Variants in DUS2 observed in about 807,000 individuals in gnomAD.
DUS2 encodes tRNA-dihydrouridine(20) synthase [NAD(P)+]-like.
A neutral mutation model predicts 71.3 loss-of-function variants in DUS2; 52 were observed. That is an observed-to-expected ratio of 0.73 (90% confidence interval 0.58 to 0.92). The LOEUF is 0.92. Ranked by LOEUF, DUS2 falls within the 40% of genes least tolerant of loss-of-function variation. DUS2 has a pLI of 0.00. For missense variants in DUS2, 558 were observed against 622.6 expected (o/e 0.90, Z 1.10); for synonymous variants, 204 against 227.8 (o/e 0.90, Z 0.94).
chr16:68,070,315 G>A lies in DUS2; in HGVS notation c.641+95G>A. On this transcript the variant is annotated intron_variant, in intron 11 of 16. Transcript: ENST00000565263. Reference sequence around the variant, plus strand: ...GCCTTCCCTAGAGTGAAAAGTTTTAGGGGTGGCTTGAAAAGGGCAGGGCTT... The same window carrying A: ...GCCTTCCCTAGAGTGAAAAGTTTTAAGGGTGGCTTGAAAAGGGCAGGGCTT... The A allele has an allele frequency of 3.2e-6, 4 of 1,241,148 alleles. No individual in the cohort carries two copies. The Admixed American group carries it at 7.0e-5, about 22-fold the overall frequency. 76.9% of individuals were successfully genotyped at this position (1,241,148 alleles called of 1,614,324 possible). A position where few individuals can be genotyped will look rare whatever the true frequency, so the allele number is the denominator to read the frequency against.
chr16:68,059,517 G>T (rs968033787), intron 7 of DUS2, among the ~76,000 whole-genome samples: 1 of 152,124 alleles, frequency 6.6e-6, no homozygotes, highest in South Asian at 2.1e-4. Flanking sequence ...GGCCTTCAAG[G>T]TTTCTTTTAT....
At chr16:68,024,437 C>G (rs959325723) in intron 1 of DUS2, among the ~76,000 whole-genome samples, 1 of 152,064 alleles carries the variant, frequency 6.6e-6, no homozygotes, top group Admixed American at 6.6e-5. Flanking sequence ...GGTGTCAGAT[C>G]TTTTCTGTAA....
intron 3 of DUS2, among the ~76,000 whole-genome samples, chr16:68,047,277 A>G (rs1340047923): frequency 6.7e-6 from 1 of 149,554 alleles, no homozygotes; most frequent in African/African-American, 2.5e-5. Flanking sequence ...GCTGGCCTTG[A>G]ACTCCTGACC....
At chr16:68,031,894 C>G (rs755166962) in intron 2 of DUS2, among the ~76,000 whole-genome samples, 1 of 151,970 alleles carries the variant, frequency 6.6e-6, no homozygotes, top group Admixed American at 6.6e-5. Flanking sequence ...AGGGTTTCAT[C>G]ATGTTGGCCA....
chr16:68,067,097 CTCCT>C (rs2034018166), intron 10 of DUS2, among the ~76,000 whole-genome samples: 1 of 89,336 alleles, frequency 1.1e-5, no homozygotes, highest in Non-Finnish European at 2.3e-5. Flanking sequence ...CCTTCCTTCC[CTCCT>C]TCCTTCCTTC....
At chr16:68,073,261 T>C (rs2034112031) in intron 12 of DUS2, among the ~76,000 whole-genome samples, 2 of 152,122 alleles carry the variant, frequency 1.3e-5, no homozygotes, top group Admixed American at 1.3e-4. Flanking sequence ...AAGTGGCTTT[T>C]TAATTTATTT....
intron 1 of DUS2, chr16:68,024,042 A>T: frequency 6.2e-6 from 1 of 160,724 alleles, no homozygotes. Flanking sequence ...CAGGCAGAAT[A>T]TTTTACCTGA....
At chr16:68,034,850 G>T (rs1003788226) in intron 2 of DUS2, among the ~76,000 whole-genome samples, 1 of 152,084 alleles carries the variant, frequency 6.6e-6, no homozygotes, top group Admixed American at 6.6e-5. Flanking sequence ...ACAAAAATTA[G>T]CTGGGCATGG....
intron 13 of DUS2, among the ~76,000 whole-genome samples, chr16:68,075,075 T>C (rs1177817805): frequency 6.6e-6 from 1 of 152,194 alleles, no homozygotes. Flanking sequence ...GTGCTTCCCC[T>C]CAGGAGAGAG....
intron 3 of DUS2, among the ~76,000 whole-genome samples, chr16:68,049,021 G>A (rs1341003353): frequency 1.3e-5 from 2 of 152,158 alleles, no homozygotes; most frequent in Non-Finnish European, 2.9e-5. Context: ...ACCCATGTGG[G>A]ATAGGGGTTT....
chr16:68,039,421 A>G (rs1485850952), intron 3 of DUS2, among the ~76,000 whole-genome samples: 2 of 146,626 alleles, frequency 1.4e-5, no homozygotes, highest in Admixed American at 1.4e-4. Flanking sequence ...CCCTGTTTCT[A>G]TTTTTTTTTT....
chr16:68,066,203 A>G, intron 8 of DUS2, 114 bp from the exon 9 acceptor site: 1 of 936,172 alleles, frequency 1.1e-6, no homozygotes, highest in Non-Finnish European at 1.8e-6. Context: ...ATTCACACAT[A>G]TGCAAACTGT....
intron 15 of DUS2, 109 bp downstream of exon 15, chr16:68,076,828 T>A: frequency 2.4e-6 from 2 of 849,518 alleles, no homozygotes; most frequent in Non-Finnish European, 3.6e-6. Flanking sequence ...TCTGTAGGCA[T>A]GGAGAAGCTG....
intron 3 of DUS2, among the ~76,000 whole-genome samples, chr16:68,046,086 A>T (rs1272823013): frequency 1.3e-5 from 2 of 152,048 alleles, no homozygotes; most frequent in Non-Finnish European, 2.9e-5. Context: ...ATATATGCGG[A>T]TTTGTTACAA....
rs772974609 is a variant in DUS2, at chr16:68,070,948, C to G, written c.650C>G (p.Ser217Cys). The change falls in exon 12 of 17, where the codon TCT (serine) becomes TGT (cysteine). Residue 217 changes from serine to cysteine, a missense_variant. Coordinates refer to ENST00000565263, the MANE Select transcript of DUS2 (RefSeq NM_017803.5). The stretch of plus-strand genomic sequence containing the variant: ...CTCTGGTTGCTTTTTAGCGGAGGAT[C>G]TCATGACCACATCCAACAGTATTCG... ...LSIPVIANGG[S>C]HDHIQQYSDI... The G allele has an allele frequency of 9.9e-6, 16 of 1,614,064 alleles. No homozygotes were observed. The Admixed American group carries it at 2.7e-4, about 27-fold the overall frequency.
chr16:68,051,985 G>T (rs2033784753), intron 4 of DUS2, among the ~76,000 whole-genome samples: 1 of 151,864 alleles, frequency 6.6e-6, no homozygotes, highest in African/African-American at 2.4e-5. Flanking sequence ...TGCAACCTCC[G>T]CCTTCCCGGC....
At chr16:68,060,752 G>A (rs2033927342) in intron 7 of DUS2, among the ~76,000 whole-genome samples, 1 of 152,046 alleles carries the variant, frequency 6.6e-6, no homozygotes, top group Non-Finnish European at 1.5e-5. Flanking sequence ...GGATGCAGAG[G>A]AAGGAGAATC....
intron 3 of DUS2, 25 bp downstream of exon 3, chr16:68,038,174 G>T: frequency 6.2e-7 from 1 of 1,611,972 alleles, no homozygotes; most frequent in Non-Finnish European, 8.5e-7. Flanking sequence ...TTTTCTGGGT[G>T]GGCTTCTCCA....
At chr16:68,059,184 C>T (rs529656776) in intron 7 of DUS2, among the ~76,000 whole-genome samples, 3 of 152,098 alleles carry the variant, frequency 2.0e-5, no homozygotes, top group South Asian at 4.2e-4. Flanking sequence ...CTGCAGTCCA[C>T]CCTGGGCCAC....
Sources: gnomAD v4.1 joint callset for allele counts (sites outside exome capture counted in the v4.1 genomes callset) on GRCh38, gnomAD v4.1.1 for gene constraint, MANE v1.5 for transcripts, NCBI Gene and HGNC (gene_info 2026-07-23, HGNC 2026-07-21) for gene names.